Variants in MECOM observed in about 807,000 individuals in gnomAD.
MECOM encodes the protein MDS1 and EVI1 complex locus, also known as histone-lysine N-methyltransferase MECOM.
MECOM carries 13 observed loss-of-function variants against 116.3 expected under a neutral mutation model. That is an observed-to-expected ratio of 0.11 (90% CI 0.07 to 0.18). The LOEUF (loss-of-function observed/expected upper bound fraction) is 0.18, where lower values mean the gene tolerates loss of function less well. Among genes scored for constraint, MECOM ranks in the 10% least tolerant of loss-of-function variants. The probability of loss-of-function intolerance (pLI) is 1.00; values close to 1 mark genes in which losing one functional copy is unlikely to be tolerated. For missense variants in MECOM, 1,299 were observed against 1,509.0 expected (o/e 0.86, Z 2.31); for synonymous variants, 528 against 535.2 (o/e 0.99, Z 0.19).
intron 2 of MECOM, among the ~76,000 whole-genome samples, chr3:169,357,033 G>T (rs2149815624): frequency 6.6e-6 from 1 of 151,954 alleles, no homozygotes; most frequent in African/African-American, 2.4e-5. Flanking sequence ...ACAGAGCATT[G>T]AGATCCTTGT....
At chr3:169,385,514 C>T (rs1271306924) in intron 1 of MECOM, among the ~76,000 whole-genome samples, 14 of 151,696 alleles carry the variant, frequency 9.2e-5, no homozygotes, top group Non-Finnish European at 1.0e-4. Context: ...ATGACAAAAG[C>T]GAAAATATTA....
chr3:169,577,896 T>C (rs552036191), intron 1 of MECOM, among the ~76,000 whole-genome samples: 5 of 152,152 alleles, frequency 3.3e-5, no homozygotes, highest in Non-Finnish European at 7.4e-5. Context: ...ATAGCCTTAG[T>C]TGGAGAAAAA....
intron 1 of MECOM, among the ~76,000 whole-genome samples, chr3:169,515,392 G>T (rs981892266): frequency 6.6e-6 from 1 of 152,190 alleles, no homozygotes; most frequent in Non-Finnish European, 1.5e-5. Flanking sequence ...TTGGTACAAC[G>T]TAAATATTCA....
At chr3:169,662,608 G>C (rs1460152055) in intron 1 of MECOM, among the ~76,000 whole-genome samples, 6 of 76,490 alleles carry the variant, frequency 7.8e-5, no homozygotes, top group African/African-American at 3.3e-4. Flanking sequence ...CCCCCACCTT[G>C]GTGTCCCCTA....
At chr3:169,226,565 T>G (rs6803957) in intron 2 of MECOM, among the ~76,000 whole-genome samples, 2 of 152,216 alleles carry the variant, frequency 1.3e-5, no homozygotes, top group East Asian at 1.9e-4. Flanking sequence ...CCCGTTTTAT[T>G]TATGAGAAAA....
intron 2 of MECOM, among the ~76,000 whole-genome samples, chr3:169,358,643 TCC>T (rs1727701035): frequency 6.6e-6 from 1 of 151,642 alleles, no homozygotes; most frequent in African/African-American, 2.4e-5. Context: ...GCAGTCTCTC[TCC>T]TTTCTAAACT....
At chr3:169,649,566 T>G (rs1468116842) in intron 1 of MECOM, among the ~76,000 whole-genome samples, 1 of 152,180 alleles carries the variant, frequency 6.6e-6, no homozygotes, top group African/African-American at 2.4e-5. Flanking sequence ...CTGTCAAATG[T>G]CGGTGTTCAA....
intron 2 of MECOM, among the ~76,000 whole-genome samples, chr3:169,290,471 C>G (rs908140857): frequency 6.6e-6 from 1 of 151,988 alleles, no homozygotes; most frequent in Non-Finnish European, 1.5e-5. Context: ...TTTGTAGAGA[C>G]CATGAATGTG....
chr3:169,540,579 T>G (rs916796379), intron 1 of MECOM, among the ~76,000 whole-genome samples: 1 of 152,164 alleles, frequency 6.6e-6, no homozygotes, highest in Admixed American at 6.5e-5. Context: ...CCTGCCTATC[T>G]CTCCTCTTTT....
chr3:169,263,075 TGCTATATATATA>T (rs1757747399), intron 2 of MECOM, among the ~76,000 whole-genome samples: 2 of 84,460 alleles, frequency 2.4e-5, no homozygotes, highest in Non-Finnish European at 4.9e-5. Flanking sequence ...TTTTTCAAGA[TGCTATATATATA>T]TATATATATA....
chr3:169,637,900 C>G (rs924141343), intron 1 of MECOM, among the ~76,000 whole-genome samples: 5 of 152,128 alleles, frequency 3.3e-5, no homozygotes, highest in African/African-American at 1.2e-4. Context: ...GGAGACATAA[C>G]CTTTGAGCAA....
chr3:169,292,365 T>C (rs1318249745), intron 2 of MECOM, among the ~76,000 whole-genome samples: 1 of 151,938 alleles, frequency 6.6e-6, no homozygotes, highest in Non-Finnish European at 1.5e-5. Flanking sequence ...ATCATAAACA[T>C]AAATGAAAAG....
In MECOM at chr3:169,336,027, G is replaced by A. The variant is rs186589138; in HGVS notation, c.375+45160C>T. ...TTTAGAGAATTTGCGATTTTTTAGC[G>A]TTTGGTTTTGTTAGATATCAAAATG... On this transcript the variant is annotated intron_variant, in intron 2 of 16. Transcript: ENST00000651503. Among the ~76,000 whole-genome samples the A allele has an allele frequency of 5.9e-5, 9 of 152,142 alleles. No individual in the cohort carries two copies. The East Asian group carries it at 1.4e-3, about 23-fold the overall frequency.
At chr3:169,306,967 G>A (rs1027703700) in intron 2 of MECOM, among the ~76,000 whole-genome samples, 14 of 152,162 alleles carry the variant, frequency 9.2e-5, no homozygotes, top group South Asian at 8.3e-4. Context: ...TTCCTTAGGT[G>A]CAGTCTCACA....
chr3:169,631,416 TTCTG>T (rs1262377770), intron 1 of MECOM, among the ~76,000 whole-genome samples: 2 of 152,212 alleles, frequency 1.3e-5, no homozygotes, highest in Admixed American at 6.5e-5. Context: ...CTGATGAAGC[TTCTG>T]TCTTTCTGTT....
At chr3:169,279,052 G>T (rs1417715401) in intron 2 of MECOM, among the ~76,000 whole-genome samples, 1 of 152,156 alleles carries the variant, frequency 6.6e-6, no homozygotes, top group Admixed American at 6.5e-5. Context: ...ACAATTTTAG[G>T]TTAGATTAAG....
chr3:169,519,332 A>G (rs1343011983), intron 1 of MECOM, among the ~76,000 whole-genome samples: 2 of 152,226 alleles, frequency 1.3e-5, no homozygotes, highest in African/African-American at 4.8e-5. Context: ...TGAAGACCTC[A>G]GCCATTTAAC....
chr3:169,469,146 T>G (rs757797780), intron 1 of MECOM, among the ~76,000 whole-genome samples: 2 of 151,858 alleles, frequency 1.3e-5, no homozygotes, highest in Non-Finnish European at 2.9e-5. Context: ...CTGAACTCAA[T>G]CTGGAGCCTC....
chr3:169,467,704 T>G (rs898919524), intron 1 of MECOM, among the ~76,000 whole-genome samples: 2 of 152,202 alleles, frequency 1.3e-5, no homozygotes, highest in African/African-American at 4.8e-5. Flanking sequence ...TGTTCAGTGG[T>G]AAGCTTTCAT....
Sources: allele counts gnomAD v4.1 joint callset (sites outside exome capture counted in the v4.1 genomes callset), GRCh38; gene constraint gnomAD v4.1.1; transcripts MANE v1.5; gene names NCBI Gene and HGNC (gene_info 2026-07-23, HGNC 2026-07-21).